MPP7: variants seen among roughly 807,000 people sequenced by gnomAD.
MPP7 encodes MAGUK p55 scaffold protein 7, also known as MAGUK p55 subfamily member 7.
Under a neutral mutation model 76.5 loss-of-function variants are expected in MPP7, and 60 were observed. The ratio of observed to expected loss-of-function variants is 0.78; its 90% CI spans 0.64 to 0.97. MPP7 has a LOEUF of 0.97. MPP7 is among the 50% of genes least tolerant of loss of function. The pLI is 0.00. For missense variants in MPP7, 641 were observed against 694.0 expected, an observed-to-expected ratio of 0.92 and a Z score of 0.86; for synonymous variants, 237 against 244.5, an observed-to-expected ratio of 0.97 and a Z score of 0.29.
In MPP7 at chr10:28,052,550, GATCT is replaced by G. The variant is rs1851397690; in HGVS notation, c.*1511_*1514del. 6.6e-6 allele frequency: 1 copy of G among 152,554 alleles called. No individual in the cohort carries two copies. Among genetic ancestry groups the G allele is most frequent in the South Asian group, 2.1e-4 (1 of 4,830 alleles). The allele number at this position is 152,554 out of a possible 1,614,324, so 9.5% of individuals were successfully genotyped here. A position where few individuals can be genotyped will look rare whatever the true frequency, so the allele number is the denominator to read the frequency against. On this transcript the variant is annotated 3_prime_UTR_variant, in exon 17 of 17. Transcript: ENST00000683449. ...GTGCAGTGCACAGATCGCACACTTG[GATCT>G]ATCTTTGTAAAGCTCAAATATTTAC...
intron 1 of MPP7, among the ~76,000 whole-genome samples, chr10:28,268,117 T>A (rs775495485): frequency 2.0e-5 from 3 of 151,974 alleles, no homozygotes; most frequent in Non-Finnish European, 4.4e-5. Flanking sequence ...CAAATGTGAG[T>A]AGAGAGGAGG....
At chr10:28,142,755 GAA>G (rs1835563698) in intron 5 of MPP7, among the ~76,000 whole-genome samples, 1 of 152,020 alleles carries the variant, frequency 6.6e-6, no homozygotes, top group South Asian at 2.1e-4. Flanking sequence ...AATATTAGTC[GAA>G]AAGAGCTTAT....
chr10:28,143,855 CTGTGTG>C (rs60960005), intron 5 of MPP7, among the ~76,000 whole-genome samples: 19,929 of 134,276 alleles, frequency 0.15, 1,903 homozygotes, highest in East Asian at 0.31. Context: ...CAATCGTGTG[CTGTGTG>C]TGTGTGTGTG....
At chr10:28,262,242 TACA>T (rs1840003555) in intron 1 of MPP7, among the ~76,000 whole-genome samples, 1 of 63,698 alleles carries the variant, frequency 1.6e-5, no homozygotes, top group African/African-American at 8.5e-5. Flanking sequence ...TATATATATA[TACA>T]TATATATATA....
intron 1 of MPP7, among the ~76,000 whole-genome samples, chr10:28,279,505 G>A (rs1840604172): frequency 6.6e-6 from 1 of 151,796 alleles, no homozygotes; most frequent in East Asian, 1.9e-4. Flanking sequence ...GAGGCGGGTG[G>A]ATCACCTGAG....
At chr10:28,230,641 C>T (rs1233534142) in intron 2 of MPP7, among the ~76,000 whole-genome samples, 1 of 152,004 alleles carries the variant, frequency 6.6e-6, no homozygotes, top group Non-Finnish European at 1.5e-5. Flanking sequence ...TGATGAAACC[C>T]CATCTCTACA....
chr10:28,324,115 G>A (rs770094843), intron 2 of MPP7, among the ~76,000 whole-genome samples: 53 of 152,266 alleles, frequency 3.5e-4, no homozygotes, highest in Non-Finnish European at 6.2e-4. Context: ...TAACCCCCAA[G>A]TTGATGATAT....
chr10:28,098,176 A>G (rs1301483238), intron 11 of MPP7, among the ~76,000 whole-genome samples: 2 of 152,082 alleles, frequency 1.3e-5, no homozygotes, highest in African/African-American at 4.8e-5. Context: ...CAATTAAAAA[A>G]CTTGGAAGTA....
At chr10:28,223,271 G>A (rs2134074940) in intron 2 of MPP7, among the ~76,000 whole-genome samples, 1 of 152,230 alleles carries the variant, frequency 6.6e-6, no homozygotes, top group East Asian at 1.9e-4. Flanking sequence ...AAGCGAGGAT[G>A]GGCATTTTCC....
chr10:28,124,001 T>C, intron 8 of MPP7, 30 bp downstream of exon 8: 1 of 1,385,774 alleles, frequency 7.2e-7, no homozygotes, highest in Non-Finnish European at 1.0e-6. Flanking sequence ...TTTATTTTTA[T>C]TGTACCTTTA....
intron 1 of MPP7, among the ~76,000 whole-genome samples, chr10:28,274,206 C>T (rs1358355168): frequency 6.7e-6 from 1 of 149,688 alleles, no homozygotes; most frequent in Non-Finnish European, 1.5e-5. Flanking sequence ...AGGTTCATGC[C>T]ATTCTCCTGC....
At chr10:28,175,605 T>C (rs1293384774) in intron 3 of MPP7, among the ~76,000 whole-genome samples, 4 of 109,846 alleles carry the variant, frequency 3.6e-5, no homozygotes, top group Non-Finnish European at 1.0e-4. Context: ...AAAACACTTA[T>C]AAAGGAAAGA....
chr10:28,227,912 G>C (rs940445030), intron 2 of MPP7, among the ~76,000 whole-genome samples: 2 of 152,130 alleles, frequency 1.3e-5, no homozygotes, highest in African/African-American at 4.8e-5. Flanking sequence ...TTCCACAATG[G>C]TTGAACTAAT....
intron 1 of MPP7, among the ~76,000 whole-genome samples, chr10:28,254,478 T>C (rs140938063): frequency 1.3e-5 from 2 of 152,326 alleles, no homozygotes; most frequent in East Asian, 3.9e-4. Flanking sequence ...CTTAAAACAG[T>C]ACTGACTCAT....
At chr10:28,061,843 T>TTTC (rs59067044) in intron 13 of MPP7, among the ~76,000 whole-genome samples, 143,612 of 152,028 alleles carry the variant, frequency 0.94, 67,859 homozygotes, top group East Asian at 1. Flanking sequence ...CTGTCACAGA[T>TTTC]TTATTATAAA....
chr10:28,195,741 G>A (rs1248982377), intron 3 of MPP7, among the ~76,000 whole-genome samples: 1 of 152,186 alleles, frequency 6.6e-6, no homozygotes, highest in East Asian at 1.9e-4. Context: ...GAGAGAGAAT[G>A]CAAGGATTGA....
At chr10:28,065,719 C>T (rs1032824626) in intron 13 of MPP7, among the ~76,000 whole-genome samples, 1 of 152,064 alleles carries the variant, frequency 6.6e-6, no homozygotes, top group Non-Finnish European at 1.5e-5. Flanking sequence ...AGTTATAATG[C>T]CTTTTTTTTA....
At chr10:28,294,986 C>A (rs564669206) in intron 1 of MPP7, among the ~76,000 whole-genome samples, 58 of 152,264 alleles carry the variant, frequency 3.8e-4, no homozygotes, top group African/African-American at 1.2e-3. Context: ...GTGGCTGGCC[C>A]CTGCAGTGGC....
intron 1 of MPP7, among the ~76,000 whole-genome samples, chr10:28,266,258 C>G (rs1840147194): frequency 6.6e-6 from 1 of 152,100 alleles, no homozygotes; most frequent in Non-Finnish European, 1.5e-5. Context: ...CTGTGCCCAG[C>G]CCACAAGGGC....
Sources: allele counts gnomAD v4.1 joint callset (sites outside exome capture counted in the v4.1 genomes callset), GRCh38; gene constraint gnomAD v4.1.1; transcripts MANE v1.5; gene names NCBI Gene and HGNC (gene_info 2026-07-23, HGNC 2026-07-21).